Variants in SMC1A observed in about 807,000 individuals in gnomAD.
The protein encoded by SMC1A is structural maintenance of chromosomes 1A, also known as structural maintenance of chromosomes protein 1A.
Under a neutral mutation model 94.5 loss-of-function variants are expected in SMC1A, and 4 were observed. The observed-to-expected ratio is 0.04, with a 90% CI of 0.02 to 0.10. SMC1A has a LOEUF of 0.10. Among genes scored for constraint, SMC1A ranks in the 10% least tolerant of loss-of-function variants. SMC1A has a pLI of 1.00. For synonymous variants in SMC1A, 345 were observed against 347.7 expected (o/e 0.99, Z 0.09); for missense variants, 304 against 989.0 (o/e 0.31, Z 9.29).
At chrX:53,387,821 C>A (rs2075611060) in intron 19 of SMC1A, among the ~76,000 whole-genome samples, 1 of 111,325 alleles carries the variant, frequency 9.0e-6, no homozygotes, top group African/African-American at 3.3e-5. Flanking sequence ...AGGATAATAA[C>A]CACAACAGAC....
chrX:53,399,451 C>T, intron 16 of SMC1A, 138 bp downstream of exon 16: 1 of 558,245 alleles, frequency 1.8e-6, no homozygotes, highest in Non-Finnish European at 2.9e-6. Flanking sequence ...TCCATTTTTC[C>T]CGTTTAGGTC....
In SMC1A at chrX:53,412,816, C is replaced by A. The variant is rs782132645; in HGVS notation, c.854+84G>T. Reference sequence around the variant, plus strand: ...AATAACAGAGAAATGAGTATAGGTACTGAACTCCGGGCTCAGAGGAACCCT... The same window carrying A: ...AATAACAGAGAAATGAGTATAGGTAATGAACTCCGGGCTCAGAGGAACCCT... On this transcript the variant is annotated intron_variant, in intron 5 of 24. Coordinates refer to ENST00000322213, the MANE Select transcript of SMC1A (RefSeq NM_006306.4). The A allele has an allele frequency of 4.6e-5, 55 of 1,196,447 alleles. No homozygotes were observed. In the African/African-American group the frequency reaches 7.9e-4, roughly 17 times the overall value.
At chrX:53,420,042 G>GA (rs1156342375) in intron 1 of SMC1A, among the ~76,000 whole-genome samples, 6 of 109,755 alleles carry the variant, frequency 5.5e-5, no homozygotes, top group African/African-American at 2.0e-4. Context: ...GGAAAAAGAT[G>GA]AAAAAAACCA....
At position 53,422,618 on chromosome X, in the gene SMC1A, C is replaced by CA. The variant is rs879978002; in HGVS notation, c.-19_-18insT. The CA allele has an allele frequency of 2.8e-6, 3 of 1,090,532 alleles. No homozygotes were observed. Among genetic ancestry groups the CA allele is most frequent in the Admixed American group, 2.2e-5 (1 of 45,903 alleles). The allele number at this position is 1,090,532 out of a possible 1,213,427, so 89.9% of individuals were successfully genotyped here. ...AACCCCATGACGGCCGCGGCGCCGG[C>CA]GGCAGTAGGACAGGCCGCGCCGTAC... On this transcript the variant is annotated 5_prime_UTR_variant, in exon 1 of 25. Transcript: ENST00000322213.
chrX:53,395,965 C>T (rs2075649399), intron 18 of SMC1A, among the ~76,000 whole-genome samples: 1 of 111,425 alleles, frequency 9.0e-6, no homozygotes, highest in South Asian at 3.8e-4. Context: ...TCTTTCCTGG[C>T]TCAACTCTCT....
intron 19 of SMC1A, among the ~76,000 whole-genome samples, chrX:53,394,540 C>T (rs1472578266): frequency 2.7e-5 from 3 of 111,169 alleles, no homozygotes; most frequent in Non-Finnish European, 5.7e-5. Context: ...TGATAGCAGG[C>T]AAGGGCAGGG....
intron 19 of SMC1A, among the ~76,000 whole-genome samples, chrX:53,393,392 C>T (rs781788029): frequency 1.3e-4 from 14 of 109,739 alleles, no homozygotes; most frequent in Admixed American, 2.9e-4. Context: ...AACATATGGA[C>T]CTTACTGGAA....
At chrX:53,395,465 G>C (rs1556887888) in intron 18 of SMC1A, among the ~76,000 whole-genome samples, 2 of 112,561 alleles carry the variant, frequency 1.8e-5, no homozygotes, top group Non-Finnish European at 3.7e-5. Flanking sequence ...GATAATGCCT[G>C]TCTGGCAGGT....
rs1476241804 is a variant in SMC1A, at chrX:53,398,723, CATAA to C, written c.2562+862_2562+865del. Among the ~76,000 whole-genome samples, 3 of 111,560 alleles carry C rather than the reference CATAA, an allele frequency of 2.7e-5. 1 individual carries two copies. In the South Asian group the frequency reaches 1.1e-3, roughly 42 times the overall value. On this transcript the variant is annotated intron_variant, in intron 16 of 24. Transcript: ENST00000322213. Reference sequence around the variant, plus strand: ...GTATTACTAAAGTTTGAAGACACTACATAAATAATGTTACAAACGTAGCATGATT... The same window carrying C: ...GTATTACTAAAGTTTGAAGACACTACATAATGTTACAAACGTAGCATGATT...
At chrX:53,408,132 C>T (rs1453554983) in intron 9 of SMC1A, among the ~76,000 whole-genome samples, 2 of 111,725 alleles carry the variant, frequency 1.8e-5, no homozygotes, top group African/African-American at 6.5e-5. Flanking sequence ...AGTTTAAAAC[C>T]AGCCTGGCCA....
chrX:53,394,874 C>T lies in SMC1A; in HGVS notation c.2877G>A (p.Gly959=). The T allele has an allele frequency of 8.5e-7, 1 of 1,183,361 alleles. No homozygotes were observed. Among genetic ancestry groups the T allele is most frequent in the South Asian group, 1.8e-5 (1 of 56,292 alleles). The change falls in exon 19 of 25, where the codon GGG becomes GGA. Residue 959 remains glycine (G), a synonymous_variant. Coordinates refer to ENST00000322213, the MANE Select transcript of SMC1A (RefSeq NM_006306.4). The part of the protein sequence containing the change: ...DISQEEGSSQ[G]EDSVSGSQRI... ...TCTGTGAACCACTCACTGAGTCCTC[C>T]CCCTGGGAGCTACCCTGCAATGGCA...
chrX:53,416,982 C>T (rs1339067873), intron 1 of SMC1A, among the ~76,000 whole-genome samples: 1 of 106,783 alleles, frequency 9.4e-6, no homozygotes, highest in East Asian at 3.1e-4. Context: ...GACAAGGTCT[C>T]GCTGTGTTGC....
At chrX:53,416,619 T>C (rs2075733334) in intron 1 of SMC1A, among the ~76,000 whole-genome samples, 1 of 110,416 alleles carries the variant, frequency 9.1e-6, no homozygotes, top group Non-Finnish European at 1.9e-5. Flanking sequence ...CTCGATCTTC[T>C]GACCTTGTGA....
chrX:53,399,497 C>T, intron 16 of SMC1A, 92 bp downstream of exon 16: 1 of 896,332 alleles, frequency 1.1e-6, no homozygotes, highest in Non-Finnish European at 1.6e-6. Context: ...TGAGAAATTT[C>T]TAAGTTGTGG....
At position 53,390,067 on chromosome X, in the gene SMC1A, A is replaced by G. The variant is rs188645845; in HGVS notation, c.2973+4711T>C. On this transcript the variant is annotated intron_variant, in intron 19 of 24. Transcript: ENST00000322213. ...GGTTTCACCGTGTTAGCCAGGATCA[A>G]TCTCCTGACCTCATGATCCGCCTGC... 8.0e-3 allele frequency among the ~76,000 whole-genome samples: 841 copies of G among 105,288 alleles called. 12 individuals carry two copies. The highest frequency in any genetic ancestry group is 0.028 in the African/African-American group (799 of 29,026). The allele number at this position is 105,288 out of a possible 115,157, so 91.4% of individuals were successfully genotyped here.
intron 19 of SMC1A, among the ~76,000 whole-genome samples, chrX:53,391,116 C>T (rs1156959708): frequency 1.9e-5 from 2 of 107,665 alleles, no homozygotes; most frequent in Non-Finnish European, 3.8e-5. Flanking sequence ...GAGTTCAAGA[C>T]CAGCCTGGCC....
chrX:53,385,177 A>G (rs192326184), intron 19 of SMC1A, among the ~76,000 whole-genome samples: 1 of 108,987 alleles, frequency 9.2e-6, no homozygotes, highest in Admixed American at 9.9e-5. Context: ...CAAGAATAAG[A>G]AGGACATAAA....
chrX:53,414,609 G>A, intron 3 of SMC1A, 149 bp downstream of exon 3: 1 of 508,928 alleles, frequency 2.0e-6, no homozygotes. Flanking sequence ...ACCTGGCTCA[G>A]GGGCCAGACT....
Position 53,405,828 on chromosome X carries a change from C to T in SMC1A, c.1674G>A (p.Gln558=). The change falls in exon 10 of 25, where the codon CAG becomes CAA. Residue 558 remains glutamine, a synonymous_variant. Transcript: ENST00000322213. ...DSEKTGRDCI[Q]YIKEQRGEPE... is the part of the protein sequence containing the mutation. ...GCTCCCCACGCTGCTCCTTGATATA[C>T]TGAATACAGTCCCGGCCTGTCTTCT... 4 of 1,211,567 alleles carry T rather than the reference C, an allele frequency of 3.3e-6. No individual in the cohort carries two copies. Among genetic ancestry groups the T allele is most frequent in the Non-Finnish European group, 4.5e-6 (4 of 895,357 alleles).
Sources: allele counts gnomAD v4.1 joint callset (sites outside exome capture counted in the v4.1 genomes callset), GRCh38; gene constraint gnomAD v4.1.1; transcripts MANE v1.5; gene names NCBI Gene and HGNC (gene_info 2026-07-23, HGNC 2026-07-21).